The following CTBP1 variants were observed in gnomAD, a reference collection of about 807,000 sequenced individuals.
CTBP1 encodes C-terminal-binding protein 1.
In CTBP1, 11 loss-of-function variants were observed where a neutral mutation model predicts 42.1. The ratio of observed to expected loss-of-function variants is 0.26; its 90% CI spans 0.16 to 0.43. CTBP1 has a LOEUF of 0.43. Among genes scored for constraint, CTBP1 ranks in the 20% least tolerant of loss-of-function variants. The pLI, the probability that CTBP1 is intolerant of heterozygous loss-of-function variation, is 1.00. For synonymous variants in CTBP1, 324 were observed against 277.1 expected, an observed-to-expected ratio of 1.17 and a Z score of -1.68; for missense variants, 399 against 624.3, an observed-to-expected ratio of 0.64 and a Z score of 3.85.
At chr4:1,214,153 A>T in intron 7 of CTBP1, 190 bp downstream of exon 7, 1 of 698,524 alleles carries the variant, frequency 1.4e-6, no homozygotes. Context: ...CACAGGACCG[A>T]GGCAAGGCAG....
At position 1,238,477 on chromosome 4, in the gene CTBP1, A is replaced by G. The variant is rs990774307; in HGVS notation, c.8-140T>C. 27 of 1,061,434 alleles carry G rather than the reference A, an allele frequency of 2.5e-5. No individual in the cohort carries two copies. The African/African-American group carries it at 3.5e-4, about 14-fold the overall frequency. The allele number at this position is 1,061,434 out of a possible 1,614,324, so 65.8% of individuals were successfully genotyped here. A position where few individuals can be genotyped will look rare whatever the true frequency, so the allele number is the denominator to read the frequency against. On this transcript the variant is annotated intron_variant, in intron 2 of 9. Coordinates refer to ENST00000382952, the MANE Select transcript of CTBP1 (RefSeq NM_001012614.2). The surrounding 1 kb of genome is among the most constrained non-coding windows in gnomAD (Gnocchi z 5.9). ...GGTCTATATGTTGTGATATTTGTAAAAAGTAAATTAAAAATCCACGTGAAA... is the reference window on the plus strand; with the variant it reads ...GGTCTATATGTTGTGATATTTGTAAGAAGTAAATTAAAAATCCACGTGAAA...
Position 1,249,032 on chromosome 4 carries a change from T to A in CTBP1, c.-305A>T, listed in dbSNP as rs1733084163. The stretch of plus-strand genomic sequence containing the variant: ...CGCGAGCCCGGCGCGTGGGGCGGCC[T>A]CGGCGCCGTCCGCTGCTCCGCCCGC... On this transcript the variant is annotated 5_prime_UTR_variant, in exon 1 of 10. Transcript: ENST00000382952. 1.5e-6 allele frequency: 1 copy of A among 678,048 alleles called. No homozygotes were observed. 42.0% of individuals were successfully genotyped at this position (678,048 alleles called of 1,614,324 possible). A position where few individuals can be genotyped will look rare whatever the true frequency, so the allele number is the denominator to read the frequency against.
At chr4:1,230,258 G>A (rs1250118) in intron 3 of CTBP1, among the ~76,000 whole-genome samples, 42,041 of 152,196 alleles carry the variant, frequency 0.28, 7,178 homozygotes, top group Middle Eastern at 0.41. Context: ...GCAGAGGCCA[G>A]CAGTGGGCGA....
chr4:1,220,030 T>C (rs1432233783), intron 5 of CTBP1, among the ~76,000 whole-genome samples: 1 of 152,026 alleles, frequency 6.6e-6, no homozygotes, highest in Admixed American at 6.5e-5. Flanking sequence ...GGCAAAAACT[T>C]GTCTCTACTA....
At chr4:1,224,966 T>C (rs1730168517) in intron 5 of CTBP1, among the ~76,000 whole-genome samples, 1 of 151,870 alleles carries the variant, frequency 6.6e-6, no homozygotes, top group African/African-American at 2.4e-5. Context: ...TGTGCTCTGA[T>C]TTCTGTGTGA....
intron 1 of CTBP1, among the ~76,000 whole-genome samples, chr4:1,246,008 C>T (rs902292126): frequency 2.0e-5 from 3 of 152,184 alleles, no homozygotes; most frequent in Non-Finnish European, 4.4e-5. Context: ...CAAAGAGCCA[C>T]CAAGAAATTT....
rs536140373 is a variant in CTBP1, at chr4:1,220,953, C to T, written c.514+4407G>A. ...ACACAAAAGGTATTCACCTAAAAAACGGGTGATACGCTGGGCTTCATAAAA... is the reference window on the plus strand; with the variant it reads ...ACACAAAAGGTATTCACCTAAAAAATGGGTGATACGCTGGGCTTCATAAAA... On this transcript the variant is annotated intron_variant, in intron 5 of 9. Transcript: ENST00000382952. Among the ~76,000 whole-genome samples the T allele has an allele frequency of 2.6e-5, 4 of 152,340 alleles. No homozygotes were observed. In the South Asian group the frequency reaches 8.3e-4, roughly 32 times the overall value.
intron 6 of CTBP1, 58 bp downstream of exon 6, chr4:1,215,933 C>T (rs1729060115): frequency 6.5e-7 from 1 of 1,528,896 alleles, no homozygotes; most frequent in African/African-American, 1.4e-5. Context: ...ACCTGCCTGA[C>T]ACCCCCACCT....
intron 1 of CTBP1, chr4:1,248,671 C>A (rs1252807525): frequency 1.1e-5 from 11 of 983,188 alleles, no homozygotes; most frequent in African/African-American, 1.8e-5. Flanking sequence ...CTGCACGGGC[C>A]GCGGGCGGGG....
chr4:1,243,055 C>G (rs1560283350), intron 1 of CTBP1: 1 of 985,402 alleles, frequency 1.0e-6, no homozygotes, highest in Non-Finnish European at 1.2e-6. Flanking sequence ...TTGATACCGG[C>G]TGATACTCAT....
At chr4:1,213,648 G>T (rs758077837) in intron 7 of CTBP1, 43 bp from the exon 8 acceptor site, 1 of 1,595,888 alleles carries the variant, frequency 6.3e-7, no homozygotes, top group East Asian at 2.2e-5. Flanking sequence ...TGAGTGCTGT[G>T]GCTGGGTACG....
rs111337493 is a variant in CTBP1, at chr4:1,215,701, C to G, written c.729+290G>C. 6.1e-4 allele frequency: 288 copies of G among 474,020 alleles called. 1 individual carries two copies. Among genetic ancestry groups the G allele is most frequent in the African/African-American group, 5.3e-3 (270 of 51,398 alleles). The allele number at this position is 474,020 out of a possible 1,614,324, so 29.4% of individuals were successfully genotyped here. On this transcript the variant is annotated intron_variant, in intron 6 of 9. Coordinates refer to ENST00000382952, the MANE Select transcript of CTBP1 (RefSeq NM_001012614.2). ...ACCCAACGCCCCCAGGTAGCTGCAT[C>G]TGTCCCCACTGTGACAACAGCAAGG...
intron 1 of CTBP1, among the ~76,000 whole-genome samples, chr4:1,247,860 C>T (rs1241085137): frequency 1.3e-5 from 2 of 152,214 alleles, no homozygotes; most frequent in Non-Finnish European, 2.9e-5. Flanking sequence ...CAGGGTTTCA[C>T]CTCCCCACTC....
chr4:1,248,578 G>A, intron 1 of CTBP1: 1 of 660,564 alleles, frequency 1.5e-6, no homozygotes, highest in Non-Finnish European at 1.9e-6. Flanking sequence ...CCGGGGTGCC[G>A]TCCCGGGTCC....
chr4:1,228,187 G>C lies in CTBP1; in HGVS notation c.307+12C>G. The C allele has an allele frequency of 6.2e-7, 1 of 1,613,938 alleles. No individual in the cohort carries two copies. Among genetic ancestry groups the C allele is most frequent in the Non-Finnish European group, 8.5e-7 (1 of 1,179,864 alleles). ...ATGAATGGGCACAGGAGAGAACTCG[G>C]AGCCGGCCTACCTAAATCCCCGGCC... On this transcript the variant is annotated intron_variant, in intron 4 of 9. Coordinates refer to ENST00000382952, the MANE Select transcript of CTBP1 (RefSeq NM_001012614.2).
chr4:1,217,723 C>T (rs1404614245), intron 5 of CTBP1: 2 of 152,220 alleles, frequency 1.3e-5, no homozygotes, highest in African/African-American at 4.8e-5. Context: ...TTCTCTTCCA[C>T]ATGATGTCTG....
rs1731706052 is a variant in CTBP1 at position 1,237,767 on chromosome 4, C to G, written c.162+416G>C. The G allele has an allele frequency of 4.3e-6, 3 of 699,432 alleles. No individual in the cohort carries two copies. In the East Asian group the frequency reaches 8.1e-5, roughly 19 times the overall value. The allele number at this position is 699,432 out of a possible 1,614,324, so 43.3% of individuals were successfully genotyped here. On this transcript the variant is annotated intron_variant, in intron 3 of 9. Transcript: ENST00000382952. ...ACCCCGTGTCCACCTCCTGATGGGG[C>G]TCAGGACAAACCCCGTGTCCACCTC... is the stretch of plus-strand genomic sequence containing the variant.
chr4:1,236,515 A>G, intron 3 of CTBP1: 1 of 597,910 alleles, frequency 1.7e-6, no homozygotes. Flanking sequence ...ATGAATCAAG[A>G]AGCCACAGGG....
intron 5 of CTBP1, among the ~76,000 whole-genome samples, chr4:1,222,282 C>T (rs1729826951): frequency 1.3e-5 from 2 of 152,052 alleles, no homozygotes; most frequent in Non-Finnish European, 2.9e-5. Context: ...GTAGGGGTCC[C>T]GTCCACAAGG....
Sources: gnomAD v4.1 joint callset for allele counts (sites outside exome capture counted in the v4.1 genomes callset) on GRCh38, gnomAD v4.1.1 for gene constraint, Gnocchi (gnomAD v3.1) non-coding constraint, MANE v1.5 for transcripts, NCBI Gene and HGNC (gene_info 2026-07-23, HGNC 2026-07-21) for gene names.